Variants in CHL1 observed in about 807,000 individuals in gnomAD.
CHL1 encodes the protein cell adhesion molecule L1 like, also known as neural cell adhesion molecule L1-like protein.
Under a neutral mutation model 141.9 loss-of-function variants are expected in CHL1, and 96 were observed. The ratio of observed to expected loss-of-function variants is 0.68; its 90% confidence interval spans 0.57 to 0.80. CHL1 has a LOEUF of 0.80. Ranked by LOEUF, CHL1 falls within the 30% of genes least tolerant of loss-of-function variation. The probability of loss-of-function intolerance (pLI) is 0.00; values close to 1 mark genes in which losing one functional copy is unlikely to be tolerated. For synonymous variants in CHL1, 613 were observed against 502.2 expected (o/e 1.22, Z -2.95); for missense variants, 1,820 against 1,457.2 (o/e 1.25, Z -4.05).
rs1192559065 is a variant in CHL1 at position 394,868 on chromosome 3, A to C, written c.3090A>C (p.Glu1030Asp). 1.2e-6 allele frequency: 2 copies of C among 1,609,944 alleles called. No individual in the cohort carries two copies. The highest frequency in any genetic ancestry group is 2.2e-5 in the East Asian group (1 of 44,842). Reference protein sequence around the residue: ...PITEESSTLGEGSKGIGKISG... With the variant: ...PITEESSTLGDGSKGIGKISG... ...CGGAGGAAAGCTCCACCTTAGGAGA[A>C]GGGAGTAAGTACATGAGGCTTCTCT... The change falls in exon 24 of 28, where the codon GAA becomes GAC. Residue 1030 changes from glutamate (E) to aspartate (D), a missense_variant. Coordinates refer to ENST00000256509, the MANE Select transcript of CHL1 (RefSeq NM_006614.4).
At chr3:292,563 T>A (rs1396847275) in intron 2 of CHL1, among the ~76,000 whole-genome samples, 1 of 152,204 alleles carries the variant, frequency 6.6e-6, no homozygotes, top group Non-Finnish European at 1.5e-5. Context: ...GGGCAAAAAT[T>A]GCTATCTTAT....
intron 2 of CHL1, among the ~76,000 whole-genome samples, chr3:312,235 C>G (rs41408847): frequency 6.6e-6 from 1 of 152,060 alleles, no homozygotes; most frequent in Admixed American, 6.6e-5. Context: ...ATAATAACAT[C>G]GACATTCCTT....
chr3:263,578 G>C (rs965705271), intron 2 of CHL1, among the ~76,000 whole-genome samples: 7 of 152,140 alleles, frequency 4.6e-5, no homozygotes, highest in African/African-American at 1.4e-4. Flanking sequence ...ATTTGCATTT[G>C]TCACTGCTCC....
At chr3:277,769 T>C (rs975947341) in intron 2 of CHL1, among the ~76,000 whole-genome samples, 7 of 152,214 alleles carry the variant, frequency 4.6e-5, no homozygotes, top group Non-Finnish European at 8.8e-5. Flanking sequence ...TGGCATGACA[T>C]TTGGAATTGT....
chr3:234,082 T>C (rs1490732993), intron 1 of CHL1, among the ~76,000 whole-genome samples: 1 of 152,056 alleles, frequency 6.6e-6, no homozygotes, highest in African/African-American at 2.4e-5. Flanking sequence ...TGTGTGTATA[T>C]GAGTGTAGCT....
intron 9 of CHL1, among the ~76,000 whole-genome samples, chr3:346,528 G>A (rs1353592139): frequency 1.3e-5 from 2 of 152,174 alleles, no homozygotes; most frequent in Non-Finnish European, 1.5e-5. Context: ...ACTAGCAACT[G>A]CGCAGAATGT....
chr3:307,062 A>G (rs541531335), intron 2 of CHL1, among the ~76,000 whole-genome samples: 1 of 152,308 alleles, frequency 6.6e-6, no homozygotes, highest in East Asian at 1.9e-4. Context: ...TCCATATAGA[A>G]AGTTTACCGC....
At chr3:380,832 T>G (rs1706940130) in intron 16 of CHL1, among the ~76,000 whole-genome samples, 1 of 152,224 alleles carries the variant, frequency 6.6e-6, no homozygotes, top group Admixed American at 6.5e-5. Flanking sequence ...TACACATGAT[T>G]GAAGTAATAA....
chr3:215,679 A>G (rs907400976), intron 1 of CHL1, among the ~76,000 whole-genome samples: 2 of 152,316 alleles, frequency 1.3e-5, no homozygotes, highest in Admixed American at 1.3e-4. Context: ...AATTAAAAAC[A>G]CAATTCAAAA....
At position 322,696 on chromosome 3, in the gene CHL1, T is replaced by C. The variant is rs1187931762; in HGVS notation, c.91+2829T>C. On this transcript the variant is annotated intron_variant, in intron 3 of 27. Coordinates refer to ENST00000256509, the MANE Select transcript of CHL1 (RefSeq NM_006614.4). ...ATTATATATATATATATAAAACGAA[T>C]AGCTGGGTGTGGTGGCTTATACCTG... 1.8e-4 allele frequency among the ~76,000 whole-genome samples: 26 copies of C among 142,294 alleles called. No individual in the cohort carries two copies. The Admixed American group carries it at 1.8e-3, about 10-fold the overall frequency. The allele number at this position is 142,294 out of a possible 152,430, so 93.4% of individuals were successfully genotyped here. A position where few individuals can be genotyped will look rare whatever the true frequency, so the allele number is the denominator to read the frequency against.
chr3:238,805 T>C (rs1031074243), intron 1 of CHL1, among the ~76,000 whole-genome samples: 8 of 148,440 alleles, frequency 5.4e-5, no homozygotes, highest in African/African-American at 2.0e-4. Context: ...TGGTGGCGGG[T>C]GTCTGTAATC....
At chr3:330,412 T>C (rs1010041960) in intron 5 of CHL1, among the ~76,000 whole-genome samples, 5 of 152,082 alleles carry the variant, frequency 3.3e-5, no homozygotes, top group African/African-American at 1.2e-4. Context: ...TCTTAGCTTA[T>C]TAGGTAACAT....
intron 5 of CHL1, among the ~76,000 whole-genome samples, chr3:335,714 T>C (rs974980360): frequency 6.6e-6 from 1 of 152,234 alleles, no homozygotes; most frequent in Non-Finnish European, 1.5e-5. Context: ...ATGTTCTACA[T>C]GAAATGAACA....
intron 16 of CHL1, 51 bp downstream of exon 16, chr3:377,993 A>C: frequency 6.6e-7 from 1 of 1,508,072 alleles, no homozygotes; most frequent in Non-Finnish European, 9.0e-7. Context: ...TTTCTGATTA[A>C]ATCCCATCGT....
At chr3:337,200 T>G (rs1378729285) in intron 5 of CHL1, among the ~76,000 whole-genome samples, 4 of 145,828 alleles carry the variant, frequency 2.7e-5, no homozygotes, top group Non-Finnish European at 4.5e-5. Context: ...TGTTTTTTTT[T>G]TTTTTTTTGA....
chr3:359,545 C>G (rs1333731379), intron 11 of CHL1, among the ~76,000 whole-genome samples: 3 of 152,076 alleles, frequency 2.0e-5, no homozygotes, highest in Non-Finnish European at 4.4e-5. Flanking sequence ...TCAAGTGATC[C>G]ATCTGCCTCA....
intron 2 of CHL1, among the ~76,000 whole-genome samples, chr3:264,341 C>G (rs567131884): frequency 9.9e-5 from 15 of 152,134 alleles, no homozygotes; most frequent in Admixed American, 6.5e-4. Flanking sequence ...ATTCTGTATT[C>G]CAGTAGAAAT....
chr3:306,644 T>C (rs530765070), intron 2 of CHL1, among the ~76,000 whole-genome samples: 3 of 152,092 alleles, frequency 2.0e-5, no homozygotes, highest in Non-Finnish European at 4.4e-5. Context: ...GTAAATTGTC[T>C]TTAACCAAAA....
intron 10 of CHL1, among the ~76,000 whole-genome samples, chr3:352,259 G>A (rs1703333005): frequency 1.3e-5 from 2 of 151,998 alleles, no homozygotes; most frequent in Admixed American, 1.3e-4. Flanking sequence ...AACCTAACAA[G>A]TTTTGATTTA....
Sources: gnomAD v4.1 joint callset for allele counts (sites outside exome capture counted in the v4.1 genomes callset) on GRCh38, gnomAD v4.1.1 for gene constraint, MANE v1.5 for transcripts, NCBI Gene and HGNC (gene_info 2026-07-23, HGNC 2026-07-21) for gene names.